The following DOCK11 variants were observed in gnomAD, a reference collection of about 807,000 sequenced individuals.
DOCK11 encodes the protein dedicator of cytokinesis 11, also known as dedicator of cytokinesis protein 11.
In DOCK11, 70 loss-of-function variants were observed where a neutral mutation model predicts 169.1. The observed-to-expected ratio is 0.41, with a 90% CI of 0.34 to 0.51. The LOEUF (loss-of-function observed/expected upper bound fraction) is 0.51, where lower values mean the gene tolerates loss of function less well. Among genes scored for constraint, DOCK11 ranks in the 20% least tolerant of loss-of-function variants. The probability of loss-of-function intolerance (pLI) is 0.10; values close to 1 mark genes in which losing one functional copy is unlikely to be tolerated. For synonymous variants in DOCK11, 529 were observed against 541.3 expected, an observed-to-expected ratio of 0.98 and a Z score of 0.32; for missense variants, 1,166 against 1,538.8, an observed-to-expected ratio of 0.76 and a Z score of 4.05.
chrX:118,503,646 G>A (rs2057590942), intron 1 of DOCK11, among the ~76,000 whole-genome samples: 2 of 111,505 alleles, frequency 1.8e-5, no homozygotes, highest in African/African-American at 6.5e-5. Flanking sequence ...AAGCAAGATG[G>A]TGGCTGAGCA....
chrX:118,538,569 C>T (rs2011840839), intron 1 of DOCK11: 1 of 346,550 alleles, frequency 2.9e-6, no homozygotes, highest in Non-Finnish European at 3.7e-6. Context: ...TGACGGTTTT[C>T]CTGTCACTAC....
At position 118,542,995 on chromosome X, in the gene DOCK11, C is replaced by T; in HGVS notation, c.289C>T (p.Gln97Ter). ...ACCAGAAGATGCTGAAAAGAGGGCC[C>T]AGAGTTTATTTGTTAAAGAGGTAAG... Reference protein sequence around the residue: ...TVPEDAEKRAQSLFVKECIKT... With the variant: ...TVPEDAEKRA The change falls in exon 3 of 53, where the codon CAG (glutamine) becomes TAG (stop). Residue 97 changes from glutamine to a stop codon, truncating the protein, a stop_gained. Transcript: ENST00000276202. LOFTEE classifies it high-confidence loss of function. The T allele has an allele frequency of 8.3e-7, 1 of 1,209,297 alleles. No homozygotes were observed. Among genetic ancestry groups the T allele is most frequent in the Non-Finnish European group, 1.1e-6 (1 of 894,304 alleles).
At chrX:118,649,466 A>G (rs12006760) in intron 41 of DOCK11, among the ~76,000 whole-genome samples, 25,712 of 111,562 alleles carry the variant, frequency 0.23, 2,586 homozygotes, top group African/African-American at 0.39. Context: ...TTTCTATGGA[A>G]TAGAGCTGCT....
At chrX:118,546,482 T>C (rs1217559629) in intron 6 of DOCK11, among the ~76,000 whole-genome samples, 1 of 111,899 alleles carries the variant, frequency 8.9e-6, no homozygotes, top group African/African-American at 3.2e-5. Flanking sequence ...TAGGTACTTA[T>C]TACATATTAG....
At chrX:118,673,452 A>G (rs1303628661) in intron 46 of DOCK11, among the ~76,000 whole-genome samples, 1 of 111,664 alleles carries the variant, frequency 9.0e-6, no homozygotes, top group Non-Finnish European at 1.9e-5. Flanking sequence ...AGCCTTGGCT[A>G]CAGAACAAGA....
rs942633364 is a variant in DOCK11, at chrX:118,628,160, C to T, written c.3665-3C>T. ...CAAGGGCTTGACTTTTTTTTTTCCCCAGCTTATGGGTCTTTTCAAAATGGA... is the reference window on the plus strand; with the variant it reads ...CAAGGGCTTGACTTTTTTTTTTCCCTAGCTTATGGGTCTTTTCAAAATGGA... On this transcript the variant is annotated splice_region_variant and splice_polypyrimidine_tract_variant and intron_variant, in intron 33 of 52. Coordinates refer to ENST00000276202, the MANE Select transcript of DOCK11 (RefSeq NM_144658.4). The T allele has an allele frequency of 2.6e-6, 3 of 1,167,684 alleles. No homozygotes were observed. Among genetic ancestry groups the T allele is most frequent in the East Asian group, 6.0e-5 (2 of 33,376 alleles).
At chrX:118,496,108 G>A in intron 1 of DOCK11, 35 bp downstream of exon 1, 1 of 927,455 alleles carries the variant, frequency 1.1e-6, no homozygotes, top group Non-Finnish European at 1.4e-6. Flanking sequence ...CCCGGGGGAC[G>A]CGCTCCAGGC....
At chrX:118,684,847 A>G (rs1409672611) in intron 52 of DOCK11, among the ~76,000 whole-genome samples, 1 of 111,860 alleles carries the variant, frequency 8.9e-6, no homozygotes, top group Admixed American at 9.6e-5. Context: ...TATGATTTGT[A>G]GCAACACAAA....
At chrX:118,607,418 ATT>A (rs56374019) in intron 24 of DOCK11, among the ~76,000 whole-genome samples, 1 of 51,245 alleles carries the variant, frequency 2.0e-5, no homozygotes, top group Non-Finnish European at 3.4e-5. Flanking sequence ...CCGGGCCTTC[ATT>A]TTTTTTTTTT....
In DOCK11 at chrX:118,509,650, G is replaced by A. The variant is rs367884253; in HGVS notation, c.102+13577G>A. ...CCAGCAAGTGGCCCTGTTGAGGACTGGACTAGCTTTATGGTCTATTAGTTT... is the reference window on the plus strand; with the variant it reads ...CCAGCAAGTGGCCCTGTTGAGGACTAGACTAGCTTTATGGTCTATTAGTTT... On this transcript the variant is annotated intron_variant, in intron 1 of 52. Transcript: ENST00000276202. 2.6e-3 allele frequency among the ~76,000 whole-genome samples: 297 copies of A among 112,433 alleles called. 1 individual carries two copies. The highest frequency in any genetic ancestry group is 9.2e-3 in the Middle Eastern group (2 of 217).
At chrX:118,634,745 T>C (rs1423746410) in intron 35 of DOCK11, among the ~76,000 whole-genome samples, 3 of 112,067 alleles carry the variant, frequency 2.7e-5, no homozygotes, top group Non-Finnish European at 5.6e-5. Context: ...TAATTTTTTT[T>C]AGATGGAGTC....
At chrX:118,642,693 G>A (rs1308866962) in intron 39 of DOCK11, among the ~76,000 whole-genome samples, 2 of 111,170 alleles carry the variant, frequency 1.8e-5, no homozygotes. Flanking sequence ...ACTAAGGAAA[G>A]TGCCAGAAAA....
intron 24 of DOCK11, among the ~76,000 whole-genome samples, chrX:118,607,180 A>T (rs1380199401): frequency 1.2e-5 from 1 of 86,042 alleles, no homozygotes. Flanking sequence ...CAGTGGTGCA[A>T]TCTTGGCTCA....
intron 34 of DOCK11, among the ~76,000 whole-genome samples, chrX:118,629,094 T>A (rs2015175741): frequency 9.0e-6 from 1 of 111,020 alleles, no homozygotes; most frequent in Admixed American, 9.6e-5. Flanking sequence ...AAGTCTGGAA[T>A]AGGGCCTGCT....
rs1276401732 is a variant in DOCK11 at position 118,603,033 on chromosome X, A to T, written c.2563-2205A>T. ...GAGCAGGTTAATGAGATCCAACATG[A>T]CCAGGAGTGTATTCTACATAGAGTT... is the stretch of plus-strand genomic sequence containing the variant. On this transcript the variant is annotated intron_variant, in intron 23 of 52. Transcript: ENST00000276202. Among the ~76,000 whole-genome samples the T allele has an allele frequency of 3.6e-5, 4 of 111,828 alleles. No individual in the cohort carries two copies. In the Admixed American group the frequency reaches 3.8e-4, roughly 11 times the overall value.
intron 46 of DOCK11, 65 bp downstream of exon 46, chrX:118,671,210 A>G: frequency 9.9e-7 from 1 of 1,009,573 alleles, no homozygotes; most frequent in Non-Finnish European, 1.4e-6. Flanking sequence ...GGAAAACAGT[A>G]ATATAGTTCT....
At chrX:118,539,312 A>T (rs1424915329) in intron 1 of DOCK11, among the ~76,000 whole-genome samples, 1 of 112,223 alleles carries the variant, frequency 8.9e-6, no homozygotes, top group African/African-American at 3.2e-5. Flanking sequence ...GGAGAACATT[A>T]CGCTAAGTGA....
intron 46 of DOCK11, among the ~76,000 whole-genome samples, chrX:118,672,677 C>G (rs905148637): frequency 1.8e-5 from 2 of 112,948 alleles, no homozygotes; most frequent in Non-Finnish European, 3.7e-5. Context: ...CCTTGTGATG[C>G]GCCCGCCTTG....
intron 16 of DOCK11, among the ~76,000 whole-genome samples, chrX:118,586,253 G>T (rs761951038): frequency 8.0e-4 from 89 of 111,495 alleles, no homozygotes; most frequent in Middle Eastern, 4.6e-3. Context: ...TTTTCACACG[G>T]CTATAAAGAT....
Sources: allele counts gnomAD v4.1 joint callset (sites outside exome capture counted in the v4.1 genomes callset), GRCh38; gene constraint gnomAD v4.1.1; transcripts MANE v1.5; gene names NCBI Gene and HGNC (gene_info 2026-07-23, HGNC 2026-07-21).